The following DGLUCY variants were observed in gnomAD, a reference collection of about 807,000 sequenced individuals.
DGLUCY encodes D-glutamate cyclase.
A neutral mutation model predicts 58.5 loss-of-function variants in DGLUCY; 58 were observed. The ratio of observed to expected loss-of-function variants is 0.99; its 90% CI spans 0.80 to 1.23. The LOEUF is 1.23. DGLUCY is among the 50% of genes most tolerant of loss of function. The pLI, the probability that DGLUCY is intolerant of heterozygous loss-of-function variation, is 0.00. For missense variants in DGLUCY, 779 were observed against 784.7 expected, an observed-to-expected ratio of 0.99 and a Z score of 0.09; for synonymous variants, 325 against 314.1, an observed-to-expected ratio of 1.03 and a Z score of -0.37.
chr14:91,119,500 TC>T (rs2045219837), intron 1 of DGLUCY, among the ~76,000 whole-genome samples: 14 of 152,150 alleles, frequency 9.2e-5, no homozygotes, highest in Admixed American at 8.5e-4. Context: ...CTTTCTAAGT[TC>T]CCACCCTACT....
Position 91,095,348 on chromosome 14 carries a change from C to G in DGLUCY, c.-82+34644C>G, listed in dbSNP as rs573033966. ...GGAGGAGGAGGCTGGTTCTCAGGGT[C>G]GGCAGAGGCTGCCACTCTGCCTGTG... On this transcript the variant is annotated intron_variant, in intron 1 of 4. Transcript: ENST00000521334. Among the ~76,000 whole-genome samples, 7 of 152,284 alleles carry G rather than the reference C, an allele frequency of 4.6e-5. No homozygotes were observed. In the East Asian group the frequency reaches 1.4e-3, roughly 29 times the overall value.
At chr14:91,204,492 C>A (rs1479387875) in intron 11 of DGLUCY, among the ~76,000 whole-genome samples, 1 of 152,206 alleles carries the variant, frequency 6.6e-6, no homozygotes, top group Non-Finnish European at 1.5e-5. Flanking sequence ...CATGCCCACA[C>A]TGTAGTGTGT....
intron 1 of DGLUCY, chr14:91,147,721 A>C (rs760967387): frequency 6.6e-6 from 1 of 152,222 alleles, no homozygotes; most frequent in Non-Finnish European, 1.5e-5. Context: ...CTGTCCCATC[A>C]TATCTGCTTC....
chr14:91,114,420 A>C (rs919005436), intron 1 of DGLUCY, 137 bp downstream of exon 1: 2 of 152,336 alleles, frequency 1.3e-5, no homozygotes, highest in African/African-American at 4.8e-5. Flanking sequence ...AAAACCAGTG[A>C]GCAAGGCAGA....
intron 1 of DGLUCY, among the ~76,000 whole-genome samples, chr14:91,135,399 C>T (rs1418675818): frequency 1.3e-5 from 2 of 152,104 alleles, no homozygotes; most frequent in African/African-American, 4.8e-5. Context: ...CCTATAATCC[C>T]AGAACTTTGG....
At chr14:91,151,835 A>T (rs1357714344) in intron 1 of DGLUCY, among the ~76,000 whole-genome samples, 2 of 150,778 alleles carry the variant, frequency 1.3e-5, no homozygotes, top group African/African-American at 4.9e-5. Context: ...TTGTATTTTT[A>T]GTAGAGACGG....
intron 1 of DGLUCY, among the ~76,000 whole-genome samples, chr14:91,089,637 CAT>C (rs1566936453): frequency 6.6e-6 from 1 of 152,048 alleles, no homozygotes; most frequent in Non-Finnish European, 1.5e-5. Context: ...GCCTGGCCAA[CAT>C]GTGAAATCCC....
rs559442522 is a variant in DGLUCY at position 91,204,737 on chromosome 14, G to A, written c.1476G>A (p.Met492Ile). 9.3e-6 allele frequency: 15 copies of A among 1,614,116 alleles called. No homozygotes were observed. In the South Asian group the frequency reaches 1.6e-4, roughly 18 times the overall value. ...GTGATGGAGGCAACGAGCTTGGGAT[G>A]GGTAAAGTCAAGGAGGCTGTGAGGA... is the stretch of plus-strand genomic sequence containing the variant. ...GVGDGGNELG[M>I]GKVKEAVRRH... The change falls in exon 12 of 14, where the codon ATG becomes ATA. Residue 492 changes from methionine (M) to isoleucine (I), a missense_variant. Transcript: ENST00000256324.
chr14:91,179,770 G>GC (rs1372054676), intron 7 of DGLUCY, among the ~76,000 whole-genome samples: 12 of 150,100 alleles, frequency 8.0e-5, no homozygotes, highest in Admixed American at 6.6e-4. Context: ...AAAAATATAT[G>GC]CTTGTTCAAT....
chr14:91,155,373 C>G (rs763175492), intron 1 of DGLUCY, among the ~76,000 whole-genome samples: 29 of 152,188 alleles, frequency 1.9e-4, no homozygotes, highest in Non-Finnish European at 3.1e-4. Flanking sequence ...TTAACCCTTA[C>G]CACCACTCAG....
chr14:91,135,333 G>A (rs2046263701), intron 1 of DGLUCY, among the ~76,000 whole-genome samples: 1 of 152,150 alleles, frequency 6.6e-6, no homozygotes, highest in South Asian at 2.1e-4. Context: ...TCACGGGGAT[G>A]CTTTCAACAT....
chr14:91,079,860 A>G (rs1350343763), intron 1 of DGLUCY, among the ~76,000 whole-genome samples: 3 of 152,170 alleles, frequency 2.0e-5, no homozygotes, highest in Admixed American at 6.6e-5. Context: ...TAAATGTACT[A>G]TTCAGTAGCA....
At chr14:91,083,143 G>A (rs185512424) in intron 1 of DGLUCY, among the ~76,000 whole-genome samples, 4 of 152,300 alleles carry the variant, frequency 2.6e-5, no homozygotes, top group African/African-American at 4.8e-5. Context: ...AATAGTGCAG[G>A]GAAAAGAGCC....
At chr14:91,104,594 C>G (rs960739716), upstream of DGLUCY, among the ~76,000 whole-genome samples, 4 of 152,190 alleles carry the variant, frequency 2.6e-5, no homozygotes, top group African/African-American at 9.7e-5. Context: ...CGACTTTCCA[C>G]ACTCATCACA....
intron 1 of DGLUCY, among the ~76,000 whole-genome samples, chr14:91,066,671 G>A (rs542035176): frequency 6.6e-6 from 1 of 152,250 alleles, no homozygotes; most frequent in African/African-American, 2.4e-5. Context: ...GCCATAAACA[G>A]GAAGCAGGAA....
intron 10 of DGLUCY, among the ~76,000 whole-genome samples, 159 bp downstream of exon 10, chr14:91,196,633 TG>T (rs1163853231): frequency 1.3e-5 from 2 of 150,112 alleles, no homozygotes; most frequent in South Asian, 2.1e-4. Flanking sequence ...CAAATGAGGC[TG>T]GGGGGTTTCA....
intron 1 of DGLUCY, among the ~76,000 whole-genome samples, chr14:91,061,875 C>G (rs1361860997): frequency 6.6e-6 from 1 of 152,126 alleles, no homozygotes; most frequent in Admixed American, 6.5e-5. Context: ...AGGAATCCTG[C>G]TGCAAGGATA....
At chr14:91,153,692 C>T (rs1323372928) in intron 1 of DGLUCY, among the ~76,000 whole-genome samples, 1 of 152,222 alleles carries the variant, frequency 6.6e-6, no homozygotes, top group Admixed American at 6.5e-5. Context: ...GCACTGCCTG[C>T]TCATGCAGGC....
chr14:91,220,702 A>G (rs562987413), intron 13 of DGLUCY: 1 of 455,634 alleles, frequency 2.2e-6, no homozygotes. Flanking sequence ...CTATTGCAAG[A>G]TGAGACCATG....
Sources: allele counts gnomAD v4.1 joint callset (sites outside exome capture counted in the v4.1 genomes callset), GRCh38; gene constraint gnomAD v4.1.1; transcripts MANE v1.5; gene names NCBI Gene and HGNC (gene_info 2026-07-23, HGNC 2026-07-21).